The following SYT1 variants were observed in gnomAD, a reference collection of about 807,000 sequenced individuals.
SYT1 encodes the protein synaptotagmin-1.
A neutral mutation model predicts 44.8 loss-of-function variants in SYT1; 8 were observed. That is an observed-to-expected ratio of 0.18 (90% CI 0.10 to 0.32). The LOEUF is 0.32. Ranked by LOEUF, SYT1 falls within the 10% of genes least tolerant of loss-of-function variation. SYT1 has a pLI of 1.00. For synonymous variants in SYT1, 154 were observed against 188.8 expected, an observed-to-expected ratio of 0.82 and a Z score of 1.51; for missense variants, 286 against 509.3, an observed-to-expected ratio of 0.56 and a Z score of 4.22.
intron 4 of SYT1, among the ~76,000 whole-genome samples, chr12:79,276,506 T>A (rs1257709050): frequency 1.3e-5 from 2 of 151,656 alleles, no homozygotes; most frequent in Non-Finnish European, 2.9e-5. Context: ...TGAAACCCCA[T>A]CTCTACTAAA....
chr12:79,030,102 A>G (rs1348193471), intron 2 of SYT1, among the ~76,000 whole-genome samples: 1 of 151,150 alleles, frequency 6.6e-6, no homozygotes, highest in African/African-American at 2.4e-5. Flanking sequence ...CACTTTCTAA[A>G]TTTTGCCTTA....
chr12:79,155,521 A>T (rs1011364287), intron 3 of SYT1, among the ~76,000 whole-genome samples: 1 of 152,212 alleles, frequency 6.6e-6, no homozygotes, highest in Admixed American at 6.5e-5. Flanking sequence ...CTTTCTTCTC[A>T]TCTAGGCATC....
chr12:79,077,457 T>C (rs1035642678), intron 3 of SYT1, among the ~76,000 whole-genome samples: 5 of 152,160 alleles, frequency 3.3e-5, no homozygotes, highest in African/African-American at 9.7e-5. Context: ...TTGTCTCTTG[T>C]TGATGAAATG....
intron 3 of SYT1, among the ~76,000 whole-genome samples, chr12:79,094,634 AC>A (rs1878003320): frequency 6.6e-6 from 1 of 151,882 alleles, no homozygotes; most frequent in Non-Finnish European, 1.5e-5. Flanking sequence ...AATGGTCAAA[AC>A]CCTTTATCAA....
intron 8 of SYT1, among the ~76,000 whole-genome samples, chr12:79,327,863 T>C (rs1330602097): frequency 6.6e-6 from 1 of 152,072 alleles, no homozygotes; most frequent in Non-Finnish European, 1.5e-5. Flanking sequence ...AGGGAAAGCA[T>C]TGGAACATGT....
At chr12:78,873,316 C>T (rs1026297580) in intron 1 of SYT1, among the ~76,000 whole-genome samples, 8 of 151,708 alleles carry the variant, frequency 5.3e-5, no homozygotes, top group African/African-American at 1.9e-4. Context: ...GCTTATCTAA[C>T]ATCATTATTG....
intron 1 of SYT1, among the ~76,000 whole-genome samples, chr12:78,906,788 G>A (rs987615403): frequency 7.9e-5 from 12 of 152,104 alleles, no homozygotes; most frequent in Admixed American, 5.2e-4. Flanking sequence ...AGAGCACCAC[G>A]GTATCCCTAG....
At chr12:79,309,359 T>A (rs1880642826) in intron 8 of SYT1, among the ~76,000 whole-genome samples, 1 of 152,186 alleles carries the variant, frequency 6.6e-6, no homozygotes, top group Non-Finnish European at 1.5e-5. Context: ...CCTCCCATGT[T>A]CTATTTTGAA....
chr12:79,025,904 T>C (rs1872502277), intron 2 of SYT1, among the ~76,000 whole-genome samples: 1 of 151,586 alleles, frequency 6.6e-6, no homozygotes, highest in Admixed American at 6.6e-5. Context: ...TTTTGCTAAA[T>C]AGAAGTAGAT....
chr12:79,335,877 T>C (rs567977029), intron 8 of SYT1, among the ~76,000 whole-genome samples: 1 of 152,338 alleles, frequency 6.6e-6, no homozygotes, highest in African/African-American at 2.4e-5. Context: ...GAAAGTAGAA[T>C]GCCCATGTTC....
chr12:78,915,942 T>A (rs1876627609), intron 1 of SYT1, among the ~76,000 whole-genome samples: 1 of 152,052 alleles, frequency 6.6e-6, no homozygotes, highest in South Asian at 2.1e-4. Flanking sequence ...AAATTGTATT[T>A]GTAAATGCTA....
chr12:79,101,541 G>T (rs1272624307), intron 3 of SYT1, among the ~76,000 whole-genome samples: 1 of 152,124 alleles, frequency 6.6e-6, no homozygotes, highest in Non-Finnish European at 1.5e-5. Context: ...GAGTGGTGTT[G>T]GTTGTACAAT....
intron 3 of SYT1, among the ~76,000 whole-genome samples, chr12:79,143,377 C>T (rs1271842417): frequency 1.3e-5 from 2 of 152,182 alleles, no homozygotes; most frequent in Non-Finnish European, 2.9e-5. Flanking sequence ...TGGTAACTTT[C>T]ACTGGTTTAT....
At chr12:79,011,995 G>T (rs1565761575) in intron 2 of SYT1, among the ~76,000 whole-genome samples, 1 of 151,954 alleles carries the variant, frequency 6.6e-6, no homozygotes, top group Non-Finnish European at 1.5e-5. Flanking sequence ...GGATGGGCAT[G>T]GTGGTGTGCA....
At chr12:78,980,363 A>C (rs1869159371) in intron 2 of SYT1, among the ~76,000 whole-genome samples, 1 of 152,192 alleles carries the variant, frequency 6.6e-6, no homozygotes, top group Non-Finnish European at 1.5e-5. Context: ...CTAAAAAGGG[A>C]AAATGGTCGA....
intron 3 of SYT1, among the ~76,000 whole-genome samples, chr12:79,124,146 C>T (rs1565816735): frequency 6.6e-6 from 1 of 152,214 alleles, no homozygotes; most frequent in Non-Finnish European, 1.5e-5. Context: ...AATTCATCCT[C>T]TAAAAGCTAT....
chr12:79,407,215 T>G (rs908170719), intron 9 of SYT1, among the ~76,000 whole-genome samples: 3 of 152,120 alleles, frequency 2.0e-5, no homozygotes, highest in Non-Finnish European at 4.4e-5. Context: ...TACTTATGAC[T>G]AATCATACTC....
chr12:79,366,168 T>C (rs1883534864), intron 9 of SYT1, among the ~76,000 whole-genome samples: 2 of 152,226 alleles, frequency 1.3e-5, no homozygotes, highest in South Asian at 4.1e-4. Context: ...CAAATGAAAC[T>C]AGCCTAAAGG....
In SYT1 at chr12:78,982,072, C is replaced by G. The variant is rs113315380; in HGVS notation, c.-84+4141C>G. 8.5e-3 allele frequency among the ~76,000 whole-genome samples: 1,296 copies of G among 152,072 alleles called. 24 individuals are homozygous for G. Among genetic ancestry groups the G allele is most frequent in the African/African-American group, 0.03 (1,229 of 41,482 alleles). On this transcript the variant is annotated intron_variant, in intron 2 of 10. Coordinates refer to ENST00000261205, the MANE Select transcript of SYT1 (RefSeq NM_005639.3). Reference sequence around the variant, plus strand: ...CAGAGCCCCCATCACTTCCATTTAACCTTAAAAACAATTTTTAGAGATGGA... The same window carrying G: ...CAGAGCCCCCATCACTTCCATTTAAGCTTAAAAACAATTTTTAGAGATGGA...
Sources: gnomAD v4.1 joint callset for allele counts (sites outside exome capture counted in the v4.1 genomes callset) on GRCh38, gnomAD v4.1.1 for gene constraint, MANE v1.5 for transcripts, NCBI Gene and HGNC (gene_info 2026-07-23, HGNC 2026-07-21) for gene names.